Variants in PDIA5 observed in about 807,000 individuals in gnomAD.
The protein encoded by PDIA5 is protein disulfide isomerase family A member 5, also known as protein disulfide-isomerase A5.
Under a neutral mutation model 77.6 loss-of-function variants are expected in PDIA5, and 58 were observed. The observed-to-expected ratio is 0.75, with a 90% CI of 0.61 to 0.93. The LOEUF is 0.93. Ranked by LOEUF, PDIA5 falls within the 40% of genes least tolerant of loss-of-function variation. The probability of loss-of-function intolerance (pLI) is 0.00; values close to 1 mark genes in which losing one functional copy is unlikely to be tolerated. For synonymous variants in PDIA5, 250 were observed against 252.1 expected (o/e 0.99, Z 0.08); for missense variants, 630 against 647.7 (o/e 0.97, Z 0.30).
chr3:123,136,945 T>C (rs1000382957), intron 11 of PDIA5, among the ~76,000 whole-genome samples: 1 of 152,202 alleles, frequency 6.6e-6, no homozygotes, highest in African/African-American at 2.4e-5. Context: ...GCCAGAAATT[T>C]TAAACCATTC....
chr3:123,119,628 CAGAAACTGGGG>C (rs1342618727), intron 8 of PDIA5, among the ~76,000 whole-genome samples: 1 of 152,222 alleles, frequency 6.6e-6, no homozygotes, highest in Non-Finnish European at 1.5e-5. Context: ...GGCAGCTCCC[CAGAAACTGGGG>C]ACCTGGCTGG....
At chr3:123,153,481 A>C (rs1293910370) in intron 14 of PDIA5, among the ~76,000 whole-genome samples, 2 of 152,262 alleles carry the variant, frequency 1.3e-5, no homozygotes, top group Non-Finnish European at 1.5e-5. Flanking sequence ...CAAATTAGTG[A>C]AGTGTTACTT....
intron 1 of PDIA5, among the ~76,000 whole-genome samples, chr3:123,079,951 T>G (rs1418074205): frequency 2.0e-5 from 3 of 152,142 alleles, no homozygotes; most frequent in Non-Finnish European, 4.4e-5. Context: ...TAAATTATGG[T>G]ATAAAATAGC....
intron 1 of PDIA5, among the ~76,000 whole-genome samples, chr3:123,072,299 G>A (rs1933742544): frequency 1.3e-5 from 2 of 152,142 alleles, no homozygotes; most frequent in Admixed American, 1.3e-4. Flanking sequence ...TGTTAGTGGT[G>A]GTAATGATAT....
intron 13 of PDIA5, among the ~76,000 whole-genome samples, chr3:123,146,892 CT>C (rs1375864483): frequency 6.6e-6 from 1 of 152,206 alleles, no homozygotes; most frequent in African/African-American, 2.4e-5. Flanking sequence ...TCACTGCAAC[CT>C]CCACCTCCCA....
chr3:123,089,341 G>A (rs778121565), intron 2 of PDIA5, 47 bp downstream of exon 2: 7 of 1,595,090 alleles, frequency 4.4e-6, no homozygotes, highest in Middle Eastern at 1.7e-4. Flanking sequence ...GGGTAGGATG[G>A]GATTCAGGGG....
chr3:123,071,392 G>A (rs1367523743), intron 1 of PDIA5, among the ~76,000 whole-genome samples: 1 of 152,160 alleles, frequency 6.6e-6, no homozygotes, highest in Admixed American at 6.5e-5. Context: ...GAGGACAGTG[G>A]GTGGAGGTGC....
intron 8 of PDIA5, among the ~76,000 whole-genome samples, chr3:123,118,730 T>C (rs1049470782): frequency 3.3e-5 from 5 of 152,222 alleles, no homozygotes; most frequent in African/African-American, 9.7e-5. Context: ...CTTTAGCACA[T>C]AGCACAGGGC....
intron 1 of PDIA5, among the ~76,000 whole-genome samples, chr3:123,077,493 C>T (rs1933884087): frequency 1.3e-5 from 2 of 151,858 alleles, no homozygotes; most frequent in African/African-American, 4.8e-5. Context: ...CCCTTGGCTG[C>T]CACTAGCCGA....
chr3:123,127,038 A>G (rs1935257607), intron 10 of PDIA5, among the ~76,000 whole-genome samples: 1 of 152,196 alleles, frequency 6.6e-6, no homozygotes, highest in African/African-American at 2.4e-5. Context: ...GCAGTGATCC[A>G]TTTTGGGCAG....
intron 10 of PDIA5, among the ~76,000 whole-genome samples, chr3:123,124,593 G>A (rs2107959550): frequency 6.6e-6 from 1 of 152,328 alleles, no homozygotes; most frequent in Non-Finnish European, 1.5e-5. Flanking sequence ...GGTGTTGGGT[G>A]TGGAGTCTGT....
At chr3:123,084,087 C>T (rs890960653) in intron 1 of PDIA5, among the ~76,000 whole-genome samples, 3 of 152,074 alleles carry the variant, frequency 2.0e-5, no homozygotes, top group East Asian at 1.9e-4. Flanking sequence ...TCTCCCTGAT[C>T]GACCTATCCT....
chr3:123,078,381 G>A (rs902562626), intron 1 of PDIA5, among the ~76,000 whole-genome samples: 3 of 152,126 alleles, frequency 2.0e-5, no homozygotes, highest in South Asian at 4.1e-4. Context: ...ATCTGGTTGT[G>A]TTCTGGAAGC....
At chr3:123,101,753 C>T (rs1247977330) in intron 3 of PDIA5, among the ~76,000 whole-genome samples, 2 of 152,068 alleles carry the variant, frequency 1.3e-5, no homozygotes, top group African/African-American at 2.4e-5. Context: ...TAAAGAACGG[C>T]CAGGATTGGA....
At chr3:123,090,294 A>G (rs1239396644) in intron 2 of PDIA5, among the ~76,000 whole-genome samples, 1 of 152,204 alleles carries the variant, frequency 6.6e-6, no homozygotes, top group Non-Finnish European at 1.5e-5. Flanking sequence ...AATCAAGGGA[A>G]AGGGGAAGCA....
intron 8 of PDIA5, among the ~76,000 whole-genome samples, chr3:123,120,581 C>T (rs1005305060): frequency 6.6e-6 from 1 of 152,258 alleles, no homozygotes; most frequent in Non-Finnish European, 1.5e-5. Context: ...CTTCCAGTGA[C>T]CACATCTCTG....
intron 3 of PDIA5, among the ~76,000 whole-genome samples, chr3:123,097,533 T>C (rs1560510959): frequency 6.6e-6 from 1 of 152,212 alleles, no homozygotes; most frequent in Non-Finnish European, 1.5e-5. Context: ...GAGTGCTACG[T>C]GACCACCACG....
rs1933584257 is a variant in PDIA5 at position 123,067,101 on chromosome 3, G to A, written c.-64G>A. On this transcript the variant is annotated 5_prime_UTR_variant, in exon 1 of 17. Transcript: ENST00000316218. ...GTGGTTGGCCGCGGTGGAGCTAGCA[G>A]GCGGGCGGGCGGGAGCGGGCGCCGG... 8.3e-7 allele frequency: 1 copy of A among 1,208,490 alleles called. No individual in the cohort carries two copies. Among genetic ancestry groups the A allele is most frequent in the East Asian group, 3.2e-5 (1 of 31,632 alleles). 74.9% of individuals were successfully genotyped at this position (1,208,490 alleles called of 1,614,324 possible).
Position 123,145,508 on chromosome 3 carries a change from ATC to A in PDIA5, c.911-9_911-8del. 2.5e-6 allele frequency: 4 copies of A among 1,611,792 alleles called. No homozygotes were observed. The highest frequency in any genetic ancestry group is 1.7e-6 in the Non-Finnish European group (2 of 1,177,978). ...TGTGCCATAAGAATGGTTTCTCTTGATCTCTCCCCACAGGGTGTGGCCACTGT... is the reference window on the plus strand; with the variant it reads ...TGTGCCATAAGAATGGTTTCTCTTGATCTCCCCACAGGGTGTGGCCACTGT... On this transcript the variant is annotated splice_polypyrimidine_tract_variant and intron_variant, in intron 11 of 16. Coordinates refer to ENST00000316218, the MANE Select transcript of PDIA5 (RefSeq NM_006810.4).
Sources: allele counts gnomAD v4.1 joint callset (sites outside exome capture counted in the v4.1 genomes callset), GRCh38; gene constraint gnomAD v4.1.1; transcripts MANE v1.5; gene names NCBI Gene and HGNC (gene_info 2026-07-23, HGNC 2026-07-21).